The following EYS variants were observed in gnomAD, a reference collection of about 807,000 sequenced individuals.
EYS encodes the protein EGF-like photoreceptor maintenance factor.
A neutral mutation model predicts 282.1 loss-of-function variants in EYS; 250 were observed. The ratio of observed to expected loss-of-function variants is 0.89; its 90% CI spans 0.80 to 0.98. EYS has a LOEUF of 0.98. Among genes scored for constraint, EYS ranks in the 50% least tolerant of loss-of-function variants. The pLI, the probability that EYS is intolerant of heterozygous loss-of-function variation, is 0.00. For missense variants in EYS, 4,016 were observed against 3,709.0 expected (o/e 1.08, Z -2.15); for synonymous variants, 1,355 against 1,282.9 (o/e 1.06, Z -1.20).
chr6:65,066,009 A>T (rs771954690), intron 12 of EYS, among the ~76,000 whole-genome samples: 3 of 152,138 alleles, frequency 2.0e-5, no homozygotes, highest in Non-Finnish European at 4.4e-5. Flanking sequence ...TTTTTGTTCA[A>T]ACATCTTGGT....
chr6:65,217,708 G>A (rs1340004972), intron 12 of EYS, among the ~76,000 whole-genome samples: 1 of 151,998 alleles, frequency 6.6e-6, no homozygotes, highest in Non-Finnish European at 1.5e-5. Flanking sequence ...AATAAGAAAT[G>A]CAAACGATCT....
At chr6:65,675,422 A>C (rs957259410) in intron 1 of EYS, among the ~76,000 whole-genome samples, 2 of 151,940 alleles carry the variant, frequency 1.3e-5, no homozygotes, top group Non-Finnish European at 2.9e-5. Context: ...AAAGGATGAA[A>C]AAAAGATATT....
intron 35 of EYS, among the ~76,000 whole-genome samples, chr6:63,968,104 A>G (rs1174834054): frequency 2.6e-5 from 4 of 152,182 alleles, no homozygotes. Context: ...ACTAATTATA[A>G]TAAAGAAAGA....
At chr6:65,638,814 G>T (rs190349532) in intron 2 of EYS, among the ~76,000 whole-genome samples, 1 of 152,324 alleles carries the variant, frequency 6.6e-6, no homozygotes, top group African/African-American at 2.4e-5. Context: ...GCACAGCCTG[G>T]CAGGCTGACT....
At chr6:64,358,250 G>A (rs1315834436) in intron 29 of EYS, among the ~76,000 whole-genome samples, 1 of 151,608 alleles carries the variant, frequency 6.6e-6, no homozygotes, top group Non-Finnish European at 1.5e-5. Context: ...TGTCAAAATA[G>A]CATCTGAAAG....
At chr6:64,655,818 ATAG>A (rs1213366925) in intron 22 of EYS, among the ~76,000 whole-genome samples, 1 of 152,154 alleles carries the variant, frequency 6.6e-6, no homozygotes, top group African/African-American at 2.4e-5. Flanking sequence ...TCCATAATGA[ATAG>A]TATAGTGAAT....
chr6:64,657,903 C>T (rs1290893540), intron 22 of EYS, among the ~76,000 whole-genome samples: 1 of 152,100 alleles, frequency 6.6e-6, no homozygotes, highest in Non-Finnish European at 1.5e-5. Context: ...TATTGGCCTG[C>T]CTTGCTAGAT....
intron 18 of EYS, among the ~76,000 whole-genome samples, chr6:64,890,795 G>T (rs1767267347): frequency 6.6e-6 from 1 of 152,004 alleles, no homozygotes; most frequent in East Asian, 1.9e-4. Flanking sequence ...TTTTTCTAAA[G>T]TTTTTGGCAT....
At position 65,123,828 on chromosome 6, in the gene EYS, C is replaced by G. The variant is rs1456548012; in HGVS notation, c.2024-66101G>C. On this transcript the variant is annotated intron_variant, in intron 12 of 42. Coordinates refer to ENST00000503581, the MANE Select transcript of EYS (RefSeq NM_001142800.2). ...AAGAGAAAAGTTTATCATATTTCGC[C>G]AAGAATTTCCCTAAATTCTGAAATG... 1.3e-5 allele frequency among the ~76,000 whole-genome samples: 2 copies of G among 151,628 alleles called. 1 individual carries two copies. Among genetic ancestry groups the G allele is most frequent in the South Asian group, 4.2e-4 (2 of 4,812 alleles).
At chr6:64,885,839 C>A (rs914450121) in intron 19 of EYS, among the ~76,000 whole-genome samples, 2 of 151,640 alleles carry the variant, frequency 1.3e-5, no homozygotes, top group African/African-American at 4.8e-5. Flanking sequence ...AGTTCCTTTC[C>A]ATTTTTGCTT....
chr6:65,366,499 T>C (rs1562125924), intron 8 of EYS, among the ~76,000 whole-genome samples: 1 of 151,778 alleles, frequency 6.6e-6, no homozygotes, highest in Non-Finnish European at 1.5e-5. Flanking sequence ...GTGTATTTTA[T>C]ATACATTTTT....
At chr6:65,161,095 T>C (rs533078986) in intron 12 of EYS, among the ~76,000 whole-genome samples, 1 of 151,178 alleles carries the variant, frequency 6.6e-6, no homozygotes, top group South Asian at 2.1e-4. Flanking sequence ...CTCTTTAGAT[T>C]ATCATGTAAG....
intron 22 of EYS, among the ~76,000 whole-genome samples, chr6:64,650,018 T>G (rs1768501869): frequency 6.6e-6 from 1 of 152,082 alleles, no homozygotes; most frequent in African/African-American, 2.4e-5. Flanking sequence ...AAATCCAAAT[T>G]TAATATAATT....
chr6:65,628,499 C>T lies in EYS; in HGVS notation c.-333+11279G>A, dbSNP rs940746585. On this transcript the variant is annotated intron_variant, in intron 2 of 42. Transcript: ENST00000503581. ...CCACAGTGTGGAAGCTTTGTTCTTT[C>T]GCTCTTTGCAATAAATCTTGCTACT... is the stretch of plus-strand genomic sequence containing the variant. Among the ~76,000 whole-genome samples, 6 of 152,258 alleles carry T rather than the reference C, an allele frequency of 3.9e-5. No homozygotes were observed. The South Asian group carries it at 6.2e-4, about 16-fold the overall frequency.
rs188504828 is a variant in EYS at position 65,349,817 on chromosome 6, C to T, written c.1459+3641G>A. Among the ~76,000 whole-genome samples the T allele has an allele frequency of 3.3e-3, 507 of 151,538 alleles. 2 individuals carry two copies. The highest frequency in any genetic ancestry group is 9.9e-3 in the African/African-American group (412 of 41,498). Reference sequence around the variant, plus strand: ...AAACTATTAAGAATAATAGTAGCTACAGTGTAATATATCTTTAGAATTTTC... The same window carrying T: ...AAACTATTAAGAATAATAGTAGCTATAGTGTAATATATCTTTAGAATTTTC... On this transcript the variant is annotated intron_variant, in intron 9 of 42. Transcript: ENST00000503581.
chr6:63,912,535 A>G (rs1764282451), intron 35 of EYS, among the ~76,000 whole-genome samples: 1 of 152,236 alleles, frequency 6.6e-6, no homozygotes, highest in Non-Finnish European at 1.5e-5. Flanking sequence ...GCACAACTCA[A>G]TTCAGACTAG....
intron 22 of EYS, among the ~76,000 whole-genome samples, chr6:64,741,102 C>T (rs1441901847): frequency 6.6e-6 from 1 of 152,040 alleles, no homozygotes; most frequent in Admixed American, 6.6e-5. Context: ...AAATCACTGC[C>T]TATGACAGCT....
intron 13 of EYS, among the ~76,000 whole-genome samples, chr6:65,024,236 C>A (rs1446737439): frequency 6.6e-6 from 1 of 152,150 alleles, no homozygotes; most frequent in Non-Finnish European, 1.5e-5. Context: ...AGGAGGCCCA[C>A]AAGATTTAAG....
At chr6:65,342,235 GATTTA>G (rs66546296) in intron 10 of EYS, among the ~76,000 whole-genome samples, 32,871 of 150,622 alleles carry the variant, frequency 0.22, 3,721 homozygotes, top group South Asian at 0.38. Flanking sequence ...AAATTAGCCT[GATTTA>G]ATTTAACTTT....
Sources: gnomAD v4.1 joint callset for allele counts (sites outside exome capture counted in the v4.1 genomes callset) on GRCh38, gnomAD v4.1.1 for gene constraint, MANE v1.5 for transcripts, NCBI Gene and HGNC (gene_info 2026-07-23, HGNC 2026-07-21) for gene names.